The following SLC26A5 variants were observed in gnomAD, a reference collection of about 807,000 sequenced individuals.
The protein encoded by SLC26A5 is prestin.
Under a neutral mutation model 81.0 loss-of-function variants are expected in SLC26A5, and 51 were observed. The ratio of observed to expected loss-of-function variants is 0.63; its 90% CI spans 0.50 to 0.80. The LOEUF is 0.80. SLC26A5 is among the 30% of genes least tolerant of loss of function. SLC26A5 has a pLI of 0.00. For missense variants in SLC26A5, 771 were observed against 905.8 expected (o/e 0.85, Z 1.91); for synonymous variants, 325 against 332.8 (o/e 0.98, Z 0.25).
chr7:103,414,169 T>C (rs2116673157), intron 4 of SLC26A5, among the ~76,000 whole-genome samples: 1 of 134,524 alleles, frequency 7.4e-6, no homozygotes, highest in South Asian at 2.8e-4. Context: ...ATTTTTACTG[T>C]CTTTGAAGTT....
intron 10 of SLC26A5, among the ~76,000 whole-genome samples, chr7:103,392,126 C>A (rs546224735): frequency 6.6e-6 from 1 of 152,314 alleles, no homozygotes; most frequent in African/African-American, 2.4e-5. Context: ...CAAATGAGTA[C>A]ATGCCAGTGT....
At chr7:103,434,323 G>A (rs1000368515) in intron 2 of SLC26A5, among the ~76,000 whole-genome samples, 5 of 152,122 alleles carry the variant, frequency 3.3e-5, no homozygotes, top group Non-Finnish European at 5.9e-5. Context: ...CTCATGAGAA[G>A]CCTTATGTTA....
rs185911842 is a variant in SLC26A5 at position 103,408,373 on chromosome 7, C to T, written c.736-370G>A. Among the ~76,000 whole-genome samples, 696 of 152,122 alleles carry T rather than the reference C, an allele frequency of 4.6e-3. 6 individuals carry two copies. The highest frequency in any genetic ancestry group is 0.016 in the African/African-American group (674 of 41,498). ...TCCTGAGTAGCTGGGATTACAGGTGCCTGCCGCCACACCCAGCTAATTTTT... is the reference window on the plus strand; with the variant it reads ...TCCTGAGTAGCTGGGATTACAGGTGTCTGCCGCCACACCCAGCTAATTTTT... On this transcript the variant is annotated intron_variant, in intron 7 of 19. Coordinates refer to ENST00000306312, the MANE Select transcript of SLC26A5 (RefSeq NM_198999.3).
At chr7:103,361,266 CT>C (rs1820379836) in intron 19 of SLC26A5, among the ~76,000 whole-genome samples, 1 of 151,416 alleles carries the variant, frequency 6.6e-6, no homozygotes, top group African/African-American at 2.4e-5. Flanking sequence ...GGCGGATCAC[CT>C]GAGGTTGGGA....
chr7:103,444,839 TTC>T (rs920205417), intron 1 of SLC26A5, among the ~76,000 whole-genome samples: 7 of 152,322 alleles, frequency 4.6e-5, no homozygotes, highest in South Asian at 2.1e-4. Context: ...TAGTTTGAAT[TTC>T]TCTCTCTTCC....
In SLC26A5 at chr7:103,391,613, T is replaced by C. The variant is rs150033360; in HGVS notation, c.1233+9A>G. The C allele has an allele frequency of 1.2e-4, 197 of 1,609,394 alleles. No homozygotes were observed. The East Asian group carries it at 3.9e-3, about 32-fold the overall frequency. ...ATCATCAGGTCTTAGAGGCCTGTTA[T>C]GTACATACCTGTGTCTTCCCACCGG... is the stretch of plus-strand genomic sequence containing the variant. On this transcript the variant is annotated intron_variant, in intron 11 of 19. Coordinates refer to ENST00000306312, the MANE Select transcript of SLC26A5 (RefSeq NM_198999.3).
chr7:103,428,558 CTTTTT>C (rs10592922), intron 2 of SLC26A5, among the ~76,000 whole-genome samples: 29 of 118,082 alleles, frequency 2.5e-4, no homozygotes, highest in South Asian at 5.5e-4. Context: ...CCTGCCAGTA[CTTTTT>C]TTTTTTTTTT....
chr7:103,399,443 T>C (rs1392934427), intron 8 of SLC26A5, among the ~76,000 whole-genome samples: 2 of 152,072 alleles, frequency 1.3e-5, no homozygotes, highest in East Asian at 1.9e-4. Context: ...TCTAATGCCA[T>C]GTAGACAAGA....
chr7:103,381,870 CAT>C (rs1181481119), intron 14 of SLC26A5, among the ~76,000 whole-genome samples: 1 of 151,576 alleles, frequency 6.6e-6, no homozygotes, highest in Non-Finnish European at 1.5e-5. Flanking sequence ...ACAACACACA[CAT>C]AATACACATA....
At chr7:103,395,484 T>C (rs138758166) in intron 9 of SLC26A5, among the ~76,000 whole-genome samples, 9,424 of 137,532 alleles carry the variant, frequency 0.069, 397 homozygotes, top group Admixed American at 0.13. Context: ...CATATATATA[T>C]ACGCATATAT....
chr7:103,385,532 G>T (rs1822119055), intron 14 of SLC26A5, among the ~76,000 whole-genome samples: 1 of 151,950 alleles, frequency 6.6e-6, no homozygotes, highest in African/African-American at 2.4e-5. Context: ...AATTACAGAA[G>T]AAGCCAGCTG....
rs1212326593 is a variant in SLC26A5 at position 103,413,119 on chromosome 7, G to A, written c.293-7C>T. ...AGCATTGCAAAGGCTAAGCCTGTGG[G>A]ATTAAAAACCAAACAGAAATGGGGG... On this transcript the variant is annotated splice_region_variant and splice_polypyrimidine_tract_variant and intron_variant, in intron 4 of 19. Transcript: ENST00000306312. 1 of 1,590,550 alleles carries A rather than the reference G, an allele frequency of 6.3e-7. No individual in the cohort carries two copies. Among genetic ancestry groups the A allele is most frequent in the South Asian group, 1.1e-5 (1 of 90,554 alleles).
chr7:103,439,177 C>T (rs1826682951), intron 2 of SLC26A5, among the ~76,000 whole-genome samples: 1 of 151,956 alleles, frequency 6.6e-6, no homozygotes, highest in Non-Finnish European at 1.5e-5. Flanking sequence ...TTCAGGGCAA[C>T]AAGGAGAAAG....
chr7:103,369,450 A>G (rs1216183136), downstream of SLC26A5: 2 of 152,242 alleles, frequency 1.3e-5, no homozygotes, highest in Admixed American at 6.5e-5. Flanking sequence ...CCAATTAAAG[A>G]CAACTCGAAT....
At chr7:103,404,851 C>T (rs977750857) in intron 8 of SLC26A5, among the ~76,000 whole-genome samples, 44 of 152,160 alleles carry the variant, frequency 2.9e-4, no homozygotes, top group African/African-American at 1.0e-3. Context: ...TTCACACAGT[C>T]CCATATTTCC....
chr7:103,363,884 T>C (rs1820551070), intron 19 of SLC26A5, among the ~76,000 whole-genome samples: 1 of 152,186 alleles, frequency 6.6e-6, no homozygotes, highest in African/African-American at 2.4e-5. Flanking sequence ...ATTTTAAGAC[T>C]GGATAATGGA....
At chr7:103,427,200 A>ATTT (rs1261335471) in intron 2 of SLC26A5, among the ~76,000 whole-genome samples, 3 of 151,562 alleles carry the variant, frequency 2.0e-5, no homozygotes, top group African/African-American at 7.3e-5. Context: ...CAGCCTCCCG[A>ATTT]GTAGCTGGGA....
At position 103,412,901 on chromosome 7, in the gene SLC26A5, A is replaced by G. The variant is rs969252814; in HGVS notation, c.403+101T>C. The G allele has an allele frequency of 3.3e-6, 3 of 907,054 alleles. No individual in the cohort carries two copies. In the Admixed American group the frequency reaches 5.8e-5, roughly 18 times the overall value. 56.2% of individuals were successfully genotyped at this position (907,054 alleles called of 1,614,324 possible). ...TGTGTATGCAGTAACAAAAGTTGTTATTAAGACAATTTTTAATAATGACCA... is the reference window on the plus strand; with the variant it reads ...TGTGTATGCAGTAACAAAAGTTGTTGTTAAGACAATTTTTAATAATGACCA... On this transcript the variant is annotated intron_variant, in intron 5 of 19. Transcript: ENST00000306312.
At chr7:103,387,751 G>A (rs928061080) in intron 14 of SLC26A5, among the ~76,000 whole-genome samples, 3 of 151,992 alleles carry the variant, frequency 2.0e-5, no homozygotes, top group Admixed American at 6.6e-5. Flanking sequence ...GCACGACCTC[G>A]GCTCACTGCA....
Sources: allele counts gnomAD v4.1 joint callset (sites outside exome capture counted in the v4.1 genomes callset), GRCh38; gene constraint gnomAD v4.1.1; transcripts MANE v1.5; gene names NCBI Gene and HGNC (gene_info 2026-07-23, HGNC 2026-07-21).